MACROD2: variants seen among roughly 807,000 people sequenced by gnomAD.
MACROD2 encodes mono-ADP ribosylhydrolase 2, also known as ADP-ribose glycohydrolase MACROD2.
Under a neutral mutation model 70.4 loss-of-function variants are expected in MACROD2, and 36 were observed. That is an observed-to-expected ratio of 0.51 (90% CI 0.39 to 0.68). The LOEUF is 0.68. Among genes scored for constraint, MACROD2 ranks in the 30% least tolerant of loss-of-function variants. The pLI is 0.00. For synonymous variants in MACROD2, 172 were observed against 178.8 expected (o/e 0.96, Z 0.30); for missense variants, 496 against 538.4 (o/e 0.92, Z 0.78).
intron 8 of MACROD2, among the ~76,000 whole-genome samples, chr20:15,609,172 G>A (rs458312): frequency 0.044 from 6,691 of 152,202 alleles, 288 homozygotes; most frequent in African/African-American, 0.11. Context: ...AGGTGCTCTG[G>A]GATGGAGCTT....
intron 5 of MACROD2, among the ~76,000 whole-genome samples, chr20:14,991,509 G>A (rs182918252): frequency 2.0e-5 from 3 of 152,272 alleles, no homozygotes; most frequent in Non-Finnish European, 4.4e-5. Context: ...ACTTTGCAAA[G>A]GAGCTAACTG....
intron 8 of MACROD2, among the ~76,000 whole-genome samples, chr20:15,718,852 G>C (rs189398856): frequency 1.6e-3 from 249 of 152,310 alleles, no homozygotes; most frequent in Middle Eastern, 3.4e-3. Context: ...CCTTGGATAA[G>C]ATTGTTGGTT....
chr20:15,790,420 G>C (rs1175582727), intron 8 of MACROD2, among the ~76,000 whole-genome samples: 1 of 151,884 alleles, frequency 6.6e-6, no homozygotes, highest in East Asian at 1.9e-4. Flanking sequence ...TAAAGGTATA[G>C]GTATTGGTAA....
At chr20:14,484,156 T>A (rs1313735664) in intron 3 of MACROD2, among the ~76,000 whole-genome samples, 4 of 152,228 alleles carry the variant, frequency 2.6e-5, no homozygotes, top group Admixed American at 1.3e-4. Context: ...TACTTATGCA[T>A]GCTAAATTTC....
chr20:14,822,210 A>G (rs1339441019), intron 5 of MACROD2, among the ~76,000 whole-genome samples: 1 of 152,102 alleles, frequency 6.6e-6, no homozygotes, highest in Non-Finnish European at 1.5e-5. Context: ...TTATCCTTCA[A>G]TGATTTTTTA....
chr20:14,303,853 T>TG (rs1423246875), intron 3 of MACROD2, among the ~76,000 whole-genome samples: 1 of 152,152 alleles, frequency 6.6e-6, no homozygotes, highest in East Asian at 1.9e-4. Context: ...TAGTGCACAC[T>TG]GGGGGTCTTC....
At chr20:14,628,548 G>A (rs1984319994) in intron 4 of MACROD2, 2 of 152,188 alleles carry the variant, frequency 1.3e-5, no homozygotes, top group South Asian at 4.1e-4. Context: ...TGAGGGTGAA[G>A]GTAATGGTGG....
intron 8 of MACROD2, among the ~76,000 whole-genome samples, chr20:15,715,409 A>T (rs975113653): frequency 6.6e-6 from 1 of 152,190 alleles, no homozygotes; most frequent in Non-Finnish European, 1.5e-5. Flanking sequence ...AGAAATGTAA[A>T]CACATTAATG....
chr20:14,637,758 AT>A (rs201852813), intron 4 of MACROD2, among the ~76,000 whole-genome samples: 69 of 150,482 alleles, frequency 4.6e-4, no homozygotes, highest in South Asian at 6.3e-4. Flanking sequence ...AACAGTGTGA[AT>A]TTTTTTTTTC....
chr20:15,604,666 C>T (rs183047879), intron 8 of MACROD2, among the ~76,000 whole-genome samples: 28 of 152,270 alleles, frequency 1.8e-4, no homozygotes, highest in Admixed American at 5.9e-4. Flanking sequence ...TTCTGAGGGA[C>T]GCAGATACAT....
chr20:14,065,494 T>C (rs1200313232), intron 2 of MACROD2, among the ~76,000 whole-genome samples: 1 of 152,202 alleles, frequency 6.6e-6, no homozygotes, highest in East Asian at 1.9e-4. Flanking sequence ...TATAGGGTAT[T>C]GTGCTGGCTG....
chr20:14,803,534 T>A (rs889024122), intron 5 of MACROD2, among the ~76,000 whole-genome samples: 1 of 151,998 alleles, frequency 6.6e-6, no homozygotes, highest in African/African-American at 2.4e-5. Flanking sequence ...AGGCTGGAGT[T>A]CAATGGTGCA....
Position 15,269,534 on chromosome 20 carries a change from C to A in MACROD2, c.540+39473C>A, listed in dbSNP as rs142132673. 2.4e-3 allele frequency among the ~76,000 whole-genome samples: 359 copies of A among 152,286 alleles called. 1 individual carries two copies. The highest frequency in any genetic ancestry group is 8.3e-3 in the African/African-American group (346 of 41,546). On this transcript the variant is annotated intron_variant, in intron 6 of 17. Transcript: ENST00000684519. ...ATACTGCTTTGCCATTAGGGGAATTCTTGAGTAAGATGATAGTCAGCAGTG... is the reference window on the plus strand; with the variant it reads ...ATACTGCTTTGCCATTAGGGGAATTATTGAGTAAGATGATAGTCAGCAGTG...
chr20:15,646,845 G>A (rs1483179102), intron 8 of MACROD2, among the ~76,000 whole-genome samples: 2 of 152,158 alleles, frequency 1.3e-5, no homozygotes, highest in East Asian at 1.9e-4. Flanking sequence ...TGAACTGTGA[G>A]TCAGTTAAAC....
intron 5 of MACROD2, among the ~76,000 whole-genome samples, chr20:15,049,019 A>G (rs2075418114): frequency 6.6e-6 from 1 of 152,130 alleles, no homozygotes; most frequent in African/African-American, 2.4e-5. Flanking sequence ...TTTCTTTTTA[A>G]AATTTTTCTT....
At chr20:15,128,299 G>A (rs529729027) in intron 5 of MACROD2, among the ~76,000 whole-genome samples, 2 of 152,116 alleles carry the variant, frequency 1.3e-5, no homozygotes, top group East Asian at 3.9e-4. Flanking sequence ...TGGTATTTTC[G>A]AGAATTGTTT....
intron 3 of MACROD2, among the ~76,000 whole-genome samples, chr20:14,293,239 T>C (rs866177414): frequency 6.6e-6 from 1 of 150,770 alleles, no homozygotes; most frequent in Admixed American, 6.7e-5. Context: ...CAGTGAACAA[T>C]AGGGAAAAAG....
At chr20:14,832,675 T>C (rs1471870471) in intron 5 of MACROD2, among the ~76,000 whole-genome samples, 2 of 152,180 alleles carry the variant, frequency 1.3e-5, no homozygotes, top group Non-Finnish European at 2.9e-5. Context: ...CTTTTTCCTG[T>C]TTGCATCTCA....
chr20:15,345,809 C>G (rs6079771), intron 6 of MACROD2, among the ~76,000 whole-genome samples: 13,585 of 152,216 alleles, frequency 0.089, 766 homozygotes, highest in Non-Finnish European at 0.13. Context: ...GAGACTGCTG[C>G]TTTTGAAAAG....
Sources: gnomAD v4.1 joint callset for allele counts (sites outside exome capture counted in the v4.1 genomes callset) on GRCh38, gnomAD v4.1.1 for gene constraint, MANE v1.5 for transcripts, NCBI Gene and HGNC (gene_info 2026-07-23, HGNC 2026-07-21) for gene names.